RASAL2: variants seen among roughly 807,000 people sequenced by gnomAD.
RASAL2 encodes the protein ras GTPase-activating protein nGAP.
RASAL2 carries 58 observed loss-of-function variants against 128.9 expected under a neutral mutation model. The ratio of observed to expected loss-of-function variants is 0.45; its 90% CI spans 0.36 to 0.56. The LOEUF is 0.56. RASAL2 is among the 20% of genes least tolerant of loss of function. RASAL2 has a pLI of 0.00. For missense variants in RASAL2, 1,360 were observed against 1,601.6 expected (o/e 0.85, Z 2.57); for synonymous variants, 561 against 580.8 (o/e 0.97, Z 0.49).
chr1:178,096,425 A>G (rs1460933107), intron 1 of RASAL2, among the ~76,000 whole-genome samples: 1 of 151,702 alleles, frequency 6.6e-6, no homozygotes, highest in African/African-American at 2.4e-5. Context: ...TTTGTAGTCC[A>G]TTCCTAGGGG....
intron 2 of RASAL2, among the ~76,000 whole-genome samples, chr1:178,294,897 ACT>A (rs891713280): frequency 1.3e-5 from 2 of 152,224 alleles, no homozygotes; most frequent in African/African-American, 4.8e-5. Context: ...CCAGGGAAAG[ACT>A]ACGTAAGTTT....
At chr1:178,333,541 A>AT (rs568471118) in intron 3 of RASAL2, among the ~76,000 whole-genome samples, 56 of 151,108 alleles carry the variant, frequency 3.7e-4, no homozygotes, top group African/African-American at 1.2e-3. Context: ...CCAAAGTCTG[A>AT]TTTTTTTGCA....
chr1:178,360,697 G>C (rs930873039), intron 3 of RASAL2, among the ~76,000 whole-genome samples: 1 of 152,210 alleles, frequency 6.6e-6, no homozygotes, highest in African/African-American at 2.4e-5. Flanking sequence ...TTAGACAACA[G>C]AAATGTATTG....
At chr1:178,345,146 A>G (rs2102416297) in intron 3 of RASAL2, among the ~76,000 whole-genome samples, 1 of 152,304 alleles carries the variant, frequency 6.6e-6, no homozygotes, top group South Asian at 2.1e-4. Context: ...ATGAAGAGGG[A>G]ACCATTGAGG....
intron 3 of RASAL2, among the ~76,000 whole-genome samples, chr1:178,343,341 ACTGGAG>A (rs1669981151): frequency 6.6e-6 from 1 of 152,208 alleles, no homozygotes; most frequent in Admixed American, 6.5e-5. Flanking sequence ...TGTCTGTCTT[ACTGGAG>A]AATCCATTAT....
intron 1 of RASAL2, among the ~76,000 whole-genome samples, chr1:178,228,849 A>G (rs985185402): frequency 1.3e-5 from 2 of 152,216 alleles, no homozygotes; most frequent in Non-Finnish European, 2.9e-5. Context: ...TCTATGAAGC[A>G]AGATATTTTG....
chr1:178,452,538 C>T lies in RASAL2; in HGVS notation c.1895C>T (p.Pro632Leu). 1 of 1,614,016 alleles carries T rather than the reference C, an allele frequency of 6.2e-7. No individual in the cohort carries two copies. Among genetic ancestry groups the T allele is most frequent in the Non-Finnish European group, 8.5e-7 (1 of 1,179,924 alleles). The part of the protein sequence containing the change: ...SASLFLRFLC[P>L]AIMSPSLFNL... Reference sequence around the variant, plus strand: ...TCATTATTTCTCCGTTTTCTGTGTCCAGCCATTATGTCTCCCAGTCTTTTC... The same window carrying T: ...TCATTATTTCTCCGTTTTCTGTGTCTAGCCATTATGTCTCCCAGTCTTTTC... The change falls in exon 11 of 18, where the codon CCA (proline) becomes CTA (leucine). Residue 632 changes from proline (P) to leucine (L), a missense_variant. By Grantham distance (98) the Pro-to-Leu change is moderately conservative. Around this residue, in one of 3 missense-constraint regions of RASAL2, gnomAD observed 741 missense variants for 868.6 expected, o/e 0.85. Coordinates refer to ENST00000367649, the MANE Select transcript of RASAL2 (RefSeq NM_170692.4).
At chr1:178,415,953 T>C (rs777884314) in intron 4 of RASAL2, among the ~76,000 whole-genome samples, 3 of 152,120 alleles carry the variant, frequency 2.0e-5, no homozygotes, top group Admixed American at 6.5e-5. Context: ...TGCCTTTATA[T>C]TTAAAGTGAG....
chr1:178,381,747 T>A (rs754981620), intron 3 of RASAL2, among the ~76,000 whole-genome samples: 2 of 151,980 alleles, frequency 1.3e-5, no homozygotes, highest in Non-Finnish European at 2.9e-5. Flanking sequence ...CAATTGTACA[T>A]GAAGCATATT....
chr1:178,428,072 C>A (rs1464919757), intron 5 of RASAL2, among the ~76,000 whole-genome samples: 1 of 150,800 alleles, frequency 6.6e-6, no homozygotes, highest in Admixed American at 6.6e-5. Flanking sequence ...TAAACATATG[C>A]CCTTGAGGTC....
chr1:178,152,662 TCAAAAAAA>T (rs1336608073), intron 1 of RASAL2, among the ~76,000 whole-genome samples: 1 of 151,930 alleles, frequency 6.6e-6, no homozygotes, highest in African/African-American at 2.4e-5. Flanking sequence ...AGACTCTGTC[TCAAAAAAA>T]CAAAACAAAA....
At chr1:178,211,221 G>A (rs184094935) in intron 1 of RASAL2, among the ~76,000 whole-genome samples, 1 of 152,232 alleles carries the variant, frequency 6.6e-6, no homozygotes, top group Admixed American at 6.5e-5. Flanking sequence ...CATCTGGTTA[G>A]TTGTTTCATA....
chr1:178,227,372 G>A (rs948279899), intron 1 of RASAL2, among the ~76,000 whole-genome samples: 2 of 152,108 alleles, frequency 1.3e-5, no homozygotes, highest in African/African-American at 4.8e-5. Flanking sequence ...GCTTAGTGCA[G>A]GGAATTTTAA....
chr1:178,192,751 A>C (rs1662533615), intron 1 of RASAL2, among the ~76,000 whole-genome samples: 1 of 152,166 alleles, frequency 6.6e-6, no homozygotes, highest in South Asian at 2.1e-4. Context: ...TAGGCAAATG[A>C]ATATATTTCT....
intron 3 of RASAL2, among the ~76,000 whole-genome samples, chr1:178,344,463 C>T (rs563888038): frequency 6.6e-6 from 1 of 152,190 alleles, no homozygotes; most frequent in Non-Finnish European, 1.5e-5. Context: ...ATTCTTTACT[C>T]ATGAAAGTTA....
At chr1:178,470,582 A>G in intron 17 of RASAL2, 1 of 798,016 alleles carries the variant, frequency 1.3e-6, no homozygotes, top group Non-Finnish European at 1.9e-6. Flanking sequence ...GGCTCCCAGG[A>G]TCTCTCTATG....
chr1:178,117,962 C>A (rs898261476), intron 1 of RASAL2, among the ~76,000 whole-genome samples: 1 of 151,884 alleles, frequency 6.6e-6, no homozygotes, highest in African/African-American at 2.4e-5. Flanking sequence ...GTCACGAGTT[C>A]GAGACCAGCC....
chr1:178,177,635 G>A (rs1258060146), intron 1 of RASAL2, among the ~76,000 whole-genome samples: 8 of 152,150 alleles, frequency 5.3e-5, no homozygotes, highest in African/African-American at 2.4e-5. Context: ...AGCACTGGAA[G>A]AACATTCCAT....
At chr1:178,363,583 G>A (rs562584205) in intron 3 of RASAL2, among the ~76,000 whole-genome samples, 57 of 152,134 alleles carry the variant, frequency 3.7e-4, no homozygotes, top group African/African-American at 1.3e-3. Context: ...TAAATTTGTC[G>A]AAGCATTAAA....
Sources: gnomAD v4.1 joint callset for allele counts (sites outside exome capture counted in the v4.1 genomes callset) on GRCh38, gnomAD v4.1.1 for gene constraint, gnomAD v4.1.1 regional missense constraint, MANE v1.5 for transcripts, NCBI Gene and HGNC (gene_info 2026-07-23, HGNC 2026-07-21) for gene names.